Variants in DLGAP1 observed in about 807,000 individuals in gnomAD.
The protein encoded by DLGAP1 is disks large-associated protein 1.
DLGAP1 carries 11 observed loss-of-function variants against 90.8 expected under a neutral mutation model. The observed-to-expected ratio is 0.12, with a 90% CI of 0.08 to 0.20. DLGAP1 has a LOEUF of 0.20. Ranked by LOEUF, DLGAP1 falls within the 10% of genes least tolerant of loss-of-function variation. The pLI is 1.00. For synonymous variants in DLGAP1, 558 were observed against 540.7 expected (o/e 1.03, Z -0.44); for missense variants, 1,050 against 1,333.8 (o/e 0.79, Z 3.31).
At chr18:3,961,620 C>G (rs895801946) in intron 3 of DLGAP1, among the ~76,000 whole-genome samples, 2 of 152,202 alleles carry the variant, frequency 1.3e-5, no homozygotes, top group African/African-American at 2.4e-5. Flanking sequence ...CCCAGCAAAA[C>G]CTCACTCCTT....
chr18:3,679,901 G>A (rs961978979), intron 7 of DLGAP1: 45 of 148,880 alleles, frequency 3.0e-4, no homozygotes, highest in African/African-American at 1.0e-3. Context: ...GTTCAGGCTG[G>A]TCTTGAACTC....
intron 9 of DLGAP1, among the ~76,000 whole-genome samples, chr18:3,564,438 C>T (rs535809851): frequency 2.0e-5 from 3 of 152,258 alleles, no homozygotes; most frequent in African/African-American, 7.2e-5. Context: ...GTTCTAGGCT[C>T]TGATAAAACC....
At chr18:4,121,374 G>A (rs977255576) in intron 2 of DLGAP1, among the ~76,000 whole-genome samples, 1 of 152,100 alleles carries the variant, frequency 6.6e-6, no homozygotes, top group African/African-American at 2.4e-5. Flanking sequence ...GTAGGCTTCT[G>A]AACCTTCTCC....
In DLGAP1 at chr18:3,861,260, T is replaced by A. The variant is rs80241371; in HGVS notation, c.957+17852A>T. 9.6e-3 allele frequency among the ~76,000 whole-genome samples: 1,458 copies of A among 152,306 alleles called. 61 individuals carry two copies. The highest frequency in any genetic ancestry group is 0.071 in the East Asian group (366 of 5,180). ...ATCTGTTCACTTCAGCTAATATTCA[T>A]CCACAATAATAATTCTTTAAAAACT... On this transcript the variant is annotated intron_variant, in intron 4 of 12. Coordinates refer to ENST00000315677, the MANE Select transcript of DLGAP1 (RefSeq NM_004746.4).
chr18:4,196,315 G>C (rs539309791), intron 1 of DLGAP1, among the ~76,000 whole-genome samples: 1 of 152,318 alleles, frequency 6.6e-6, no homozygotes, highest in African/African-American at 2.4e-5. Flanking sequence ...CTGAGTACAG[G>C]CAATGCTTCC....
Position 3,879,212 on chromosome 18 carries a change from C to G in DLGAP1, c.857G>C (p.Ser286Thr). ...CTTCTGGTAAACCTCCCGGGCCCGG[C>G]TCACGGTGAGCGTGGAGGACCAGGC... is the stretch of plus-strand genomic sequence containing the variant. ...KSAWSSTLTV[S>T]RAREVYQKAS... The change falls in exon 4 of 13, where the codon AGC becomes ACC. Residue 286 changes from serine to threonine, a missense_variant. This residue lies in a region of DLGAP1 where 485 missense variants were observed against 454.1 expected (regional missense o/e 1.07). Coordinates refer to ENST00000315677, the MANE Select transcript of DLGAP1 (RefSeq NM_004746.4). The surrounding 1 kb of genome is among the most constrained non-coding windows in gnomAD (Gnocchi z 6.6). 1 of 1,568,958 alleles carries G rather than the reference C, an allele frequency of 6.4e-7. No homozygotes were observed. Among genetic ancestry groups the G allele is most frequent in the Non-Finnish European group, 8.6e-7 (1 of 1,157,464 alleles).
intron 7 of DLGAP1, among the ~76,000 whole-genome samples, chr18:3,600,670 C>CTATAGATATA (rs2056841963): frequency 9.9e-6 from 1 of 100,552 alleles, no homozygotes; most frequent in East Asian, 2.6e-4. Context: ...CTATAGAGAT[C>CTATAGATATA]TATAGATATC....
At chr18:4,064,652 C>T (rs1190706101) in intron 2 of DLGAP1, among the ~76,000 whole-genome samples, 1 of 151,820 alleles carries the variant, frequency 6.6e-6, no homozygotes, top group Non-Finnish European at 1.5e-5. Context: ...AGGAAGAAAC[C>T]GAATCCCTGA....
At chr18:4,067,900 G>A (rs1171184869) in intron 2 of DLGAP1, among the ~76,000 whole-genome samples, 7 of 151,852 alleles carry the variant, frequency 4.6e-5, no homozygotes, top group Non-Finnish European at 5.9e-5. Context: ...CCAAACTGTA[G>A]ACCAACCACC....
chr18:3,637,073 C>A (rs1174264907), intron 7 of DLGAP1, among the ~76,000 whole-genome samples: 1 of 152,046 alleles, frequency 6.6e-6, no homozygotes, highest in South Asian at 2.1e-4. Context: ...GAAACTCAAT[C>A]TTTTCCTAAG....
chr18:4,147,587 A>T (rs867726986), intron 2 of DLGAP1, among the ~76,000 whole-genome samples: 1 of 89,100 alleles, frequency 1.1e-5, no homozygotes, highest in African/African-American at 3.6e-5. Flanking sequence ...CCATCCATCC[A>T]TCCATCCATC....
intron 2 of DLGAP1, among the ~76,000 whole-genome samples, chr18:4,080,340 ATAAAT>A (rs1427352265): frequency 6.6e-6 from 1 of 152,186 alleles, no homozygotes. Context: ...AAAGTTAAAT[ATAAAT>A]TAAAGAAATG....
At chr18:4,213,677 T>C (rs2077892644) in intron 1 of DLGAP1, among the ~76,000 whole-genome samples, 1 of 152,168 alleles carries the variant, frequency 6.6e-6, no homozygotes, top group South Asian at 2.1e-4. Flanking sequence ...TAGAGATATA[T>C]GCATTAACAG....
chr18:3,597,464 G>A, intron 7 of DLGAP1: 1 of 356,440 alleles, frequency 2.8e-6, no homozygotes, highest in Middle Eastern at 1.0e-3. Context: ...CAGTAAGTGG[G>A]GTGGCTGTGC....
intron 4 of DLGAP1, among the ~76,000 whole-genome samples, chr18:3,856,867 A>C (rs2069678206): frequency 6.7e-6 from 1 of 149,066 alleles, no homozygotes; most frequent in African/African-American, 2.4e-5. Flanking sequence ...TCCCCCTCCA[A>C]AAAAAAAAAG....
At chr18:4,160,443 A>C (rs1182157460) in intron 1 of DLGAP1, among the ~76,000 whole-genome samples, 1 of 152,138 alleles carries the variant, frequency 6.6e-6, no homozygotes, top group East Asian at 1.9e-4. Flanking sequence ...GAAAAGCTAC[A>C]ATTTATTGAG....
intron 7 of DLGAP1, among the ~76,000 whole-genome samples, chr18:3,623,905 C>G (rs953041170): frequency 6.6e-6 from 1 of 152,132 alleles, no homozygotes; most frequent in Admixed American, 6.6e-5. Context: ...TGCGGATGCC[C>G]GTTTCCCCTC....
At position 3,729,250 on chromosome 18, in the gene DLGAP1, G is replaced by A. The variant is rs1465969093; in HGVS notation, c.1476C>T (p.His492=). The change falls in exon 7 of 13, where the codon CAC becomes CAT. Residue 492 remains histidine (H), a synonymous_variant. Transcript: ENST00000315677. The surrounding 1 kb of genome is among the most constrained non-coding windows in gnomAD (Gnocchi z 6.2). ...PMPGCFRMRS[H]SYVRAIEKGC... ...CTTTCTCAATGGCCCGCACATAGCT[G>A]TGGCTCCGCATGCGGAAGCAGCCGG... 1.2e-6 allele frequency: 2 copies of A among 1,614,026 alleles called. No individual in the cohort carries two copies. Among genetic ancestry groups the A allele is most frequent in the Non-Finnish European group, 8.5e-7 (1 of 1,179,958 alleles).
chr18:3,588,797 A>T (rs1444645508), intron 7 of DLGAP1, among the ~76,000 whole-genome samples: 1 of 151,692 alleles, frequency 6.6e-6, no homozygotes, highest in Non-Finnish European at 1.5e-5. Context: ...AAAAAAAGAA[A>T]AAAGAAAGAA....
Sources: allele counts gnomAD v4.1 joint callset (sites outside exome capture counted in the v4.1 genomes callset), GRCh38; gene constraint gnomAD v4.1.1; regional missense constraint gnomAD v4.1.1; non-coding constraint Gnocchi (gnomAD v3.1); transcripts MANE v1.5; gene names NCBI Gene and HGNC (gene_info 2026-07-23, HGNC 2026-07-21).